The following CUX1 variants were observed in gnomAD, a reference collection of about 807,000 sequenced individuals.
The protein encoded by CUX1 is cut like homeobox 1, also known as protein CASP.
CUX1 carries 31 observed loss-of-function variants against 158.8 expected under a neutral mutation model. The ratio of observed to expected loss-of-function variants is 0.20; its 90% CI spans 0.15 to 0.26. CUX1 has a LOEUF of 0.26. Among genes scored for constraint, CUX1 ranks in the 10% least tolerant of loss-of-function variants. CUX1 has a pLI of 1.00. For synonymous variants in CUX1, 879 were observed against 862.1 expected (o/e 1.02, Z -0.34); for missense variants, 1,589 against 2,014.6 (o/e 0.79, Z 4.04).
rs116896968 is a variant in CUX1, at chr7:102,149,301, G to A, written c.675-9259G>A. ...GATACTGTTTCTCCTGGTGTCTGCAGAGGCCCTTGTACCACTTTCTGGGAT... is the reference window on the plus strand; with the variant it reads ...GATACTGTTTCTCCTGGTGTCTGCAAAGGCCCTTGTACCACTTTCTGGGAT... On this transcript the variant is annotated intron_variant, in intron 8 of 23. Transcript: ENST00000292535. 2.9e-3 allele frequency among the ~76,000 whole-genome samples: 441 copies of A among 152,244 alleles called. 3 individuals are homozygous for A. The highest frequency in any genetic ancestry group is 4.9e-3 in the Non-Finnish European group (330 of 68,020).
chr7:102,217,317 C>G (rs1166514261), intron 20 of CUX1, among the ~76,000 whole-genome samples: 1 of 152,252 alleles, frequency 6.6e-6, no homozygotes, highest in Admixed American at 6.5e-5. Context: ...AAAAGATACA[C>G]AAGCCAACTG....
chr7:101,881,944 G>C (rs1467620574), intron 1 of CUX1, among the ~76,000 whole-genome samples: 1 of 151,996 alleles, frequency 6.6e-6, no homozygotes, highest in African/African-American at 2.4e-5. Flanking sequence ...TTGGGAGGCT[G>C]AGGCAGGAGG....
At chr7:102,033,418 A>C (rs1821030892) in intron 3 of CUX1, among the ~76,000 whole-genome samples, 1 of 152,260 alleles carries the variant, frequency 6.6e-6, no homozygotes, top group Non-Finnish European at 1.5e-5. Flanking sequence ...GAAACATTGC[A>C]AAAGTCATTT....
chr7:102,024,103 G>A (rs2129325707), intron 2 of CUX1, among the ~76,000 whole-genome samples: 1 of 152,344 alleles, frequency 6.6e-6, no homozygotes, highest in South Asian at 2.1e-4. Flanking sequence ...CCTGTGCCAG[G>A]TTGGCAGGGT....
At chr7:102,235,798 A>G (rs410697) in intron 22 of CUX1, among the ~76,000 whole-genome samples, 83,704 of 135,330 alleles carry the variant, frequency 0.62, 25,907 homozygotes, top group East Asian at 0.93. Context: ...ACACACACAC[A>G]CGCGCACACA....
At chr7:102,064,704 G>A (rs561253831) in intron 3 of CUX1, among the ~76,000 whole-genome samples, 1 of 152,276 alleles carries the variant, frequency 6.6e-6, no homozygotes, top group African/African-American at 2.4e-5. Context: ...GTGTGGCAGA[G>A]TCACTGTGTT....
At chr7:102,112,565 T>C (rs564940699) in intron 7 of CUX1, among the ~76,000 whole-genome samples, 1 of 120,026 alleles carries the variant, frequency 8.3e-6, no homozygotes, top group Non-Finnish European at 1.7e-5. Flanking sequence ...TTTTTTGTTT[T>C]GTTTTGTTTT....
intron 2 of CUX1, among the ~76,000 whole-genome samples, chr7:101,925,001 C>T (rs183463082): frequency 1.3e-5 from 2 of 152,196 alleles, no homozygotes; most frequent in Admixed American, 1.3e-4. Flanking sequence ...CCTCATTAGA[C>T]CCTAAAACCA....
intron 1 of CUX1, among the ~76,000 whole-genome samples, chr7:101,820,425 G>A (rs942932556): frequency 2.6e-5 from 4 of 152,152 alleles, no homozygotes; most frequent in African/African-American, 7.2e-5. Context: ...TATATCTGAC[G>A]AATTGTAACA....
At chr7:102,283,191 C>A in exon 23 of CUX1, 1 of 977,254 alleles carries the variant, frequency 1.0e-6, no homozygotes, top group Non-Finnish European at 1.6e-6. Flanking sequence ...CCCATGGAAA[C>A]TGCCCTTATC....
chr7:101,958,204 G>C (rs1335168388), intron 2 of CUX1, among the ~76,000 whole-genome samples: 1 of 152,120 alleles, frequency 6.6e-6, no homozygotes, highest in Non-Finnish European at 1.5e-5. Flanking sequence ...CCAACCCAAA[G>C]GTGGGAAGGG....
At chr7:102,163,318 C>A (rs1483513276) in intron 9 of CUX1, among the ~76,000 whole-genome samples, 10 of 145,292 alleles carry the variant, frequency 6.9e-5, no homozygotes, top group African/African-American at 2.5e-4. Context: ...AGACTTTTTT[C>A]TCTACAAAAA....
chr7:102,203,797 G>A (rs751173807), intron 18 of CUX1, among the ~76,000 whole-genome samples: 1 of 152,010 alleles, frequency 6.6e-6, no homozygotes, highest in African/African-American at 2.4e-5. Flanking sequence ...GTGTGTACAC[G>A]CAACTCGGCA....
Position 102,248,454 on chromosome 7 carries a change from C to A in CUX1, c.3930C>A (p.Ala1310=). ...AACTGTTCATTGAGGAAATTCAGGCCGGGAGTCAGGGCCAGGCGGGCGCCA... is the reference window on the plus strand; with the variant it reads ...AACTGTTCATTGAGGAAATTCAGGCAGGGAGTCAGGGCCAGGCGGGCGCCA... The part of the protein sequence containing the change: ...RRELFIEEIQ[A]GSQGQAGASD... Residue 1310 remains alanine, a synonymous_variant, in exon 24 of 24, where the codon GCC becomes GCA. Coordinates refer to ENST00000292535, the MANE Select transcript of CUX1 (RefSeq NM_181552.4). The surrounding 1 kb of genome is among the most constrained non-coding windows in gnomAD (Gnocchi z 5.8). 1 of 1,598,956 alleles carries A rather than the reference C, an allele frequency of 6.3e-7. No individual in the cohort carries two copies. Among genetic ancestry groups the A allele is most frequent in the Non-Finnish European group, 8.5e-7 (1 of 1,176,184 alleles).
rs769552921 is a variant in CUX1 at position 102,037,354 on chromosome 7, CT to C, written c.189+9224del. ...GGGTAGAATTTCTTTCTTTTCTTTT[CT>C]TTTTTTTTTTTTTTGAGACGGAGTT... is the stretch of plus-strand genomic sequence containing the variant. On this transcript the variant is annotated intron_variant, in intron 3 of 23. Transcript: ENST00000292535. Among the ~76,000 whole-genome samples, 574 of 139,384 alleles carry C rather than the reference CT, an allele frequency of 4.1e-3. 1 individual carries two copies. The highest frequency in any genetic ancestry group is 0.011 in the Middle Eastern group (3 of 262). The allele number at this position is 139,384 out of a possible 152,430, so 91.4% of individuals were successfully genotyped here. A position where few individuals can be genotyped will look rare whatever the true frequency, so the allele number is the denominator to read the frequency against.
At chr7:101,968,300 A>G (rs187603714) in intron 2 of CUX1, among the ~76,000 whole-genome samples, 1 of 152,308 alleles carries the variant, frequency 6.6e-6, no homozygotes, top group Non-Finnish European at 1.5e-5. Context: ...TTGAAATACA[A>G]GAGTCAAGAG....
chr7:101,904,165 T>C (rs1584935781), intron 1 of CUX1, among the ~76,000 whole-genome samples: 1 of 149,866 alleles, frequency 6.7e-6, no homozygotes, highest in Admixed American at 6.6e-5. Context: ...CTGGACATGG[T>C]GGCACGCGCC....
intron 1 of CUX1, among the ~76,000 whole-genome samples, chr7:101,908,470 GTTT>G (rs1803019672): frequency 6.6e-6 from 1 of 151,806 alleles, no homozygotes; most frequent in Non-Finnish European, 1.5e-5. Flanking sequence ...TTGTTTGTTT[GTTT>G]GTTTGTTTGT....
chr7:101,925,073 G>A (rs906170263), intron 2 of CUX1, among the ~76,000 whole-genome samples: 9 of 152,146 alleles, frequency 5.9e-5, no homozygotes, highest in African/African-American at 2.2e-4. Flanking sequence ...AGCCCATTGA[G>A]TTGGCTTCAT....
Sources: allele counts gnomAD v4.1 joint callset (sites outside exome capture counted in the v4.1 genomes callset), GRCh38; gene constraint gnomAD v4.1.1; non-coding constraint Gnocchi (gnomAD v3.1); transcripts MANE v1.5; gene names NCBI Gene and HGNC (gene_info 2026-07-23, HGNC 2026-07-21).